Variants in CXADR observed in about 807,000 individuals in gnomAD.
CXADR encodes the protein CXADR cell adhesion molecule.
Under a neutral mutation model 40.3 loss-of-function variants are expected in CXADR, and 20 were observed. That is an observed-to-expected ratio of 0.50 (90% confidence interval 0.35 to 0.72). The LOEUF (loss-of-function observed/expected upper bound fraction) is 0.72, where lower values mean the gene tolerates loss of function less well. Ranked by LOEUF, CXADR falls within the 30% of genes least tolerant of loss-of-function variation. The pLI is 0.01. For synonymous variants in CXADR, 150 were observed against 161.3 expected, an observed-to-expected ratio of 0.93 and a Z score of 0.53; for missense variants, 332 against 449.1, an observed-to-expected ratio of 0.74 and a Z score of 2.36.
At chr21:17,537,864 A>T (rs914242134) in intron 1 of CXADR, among the ~76,000 whole-genome samples, 1 of 152,084 alleles carries the variant, frequency 6.6e-6, no homozygotes. Flanking sequence ...AGTTTCAGTA[A>T]AGTGAGGAAA....
At chr21:17,578,817 T>C (rs568275189) in intron 7 of CXADR, among the ~76,000 whole-genome samples, 2 of 152,238 alleles carry the variant, frequency 1.3e-5, no homozygotes, top group Admixed American at 1.3e-4. Flanking sequence ...GCAAAAGACC[T>C]TGTCTTCAAA....
intron 7 of CXADR, among the ~76,000 whole-genome samples, chr21:17,584,788 A>C (rs564104065): frequency 6.6e-6 from 1 of 152,330 alleles, no homozygotes; most frequent in South Asian, 2.1e-4. Flanking sequence ...CCGAGATTGC[A>C]CCACTGCGCT....
At chr21:17,541,413 C>T (rs1351484413) in intron 1 of CXADR, among the ~76,000 whole-genome samples, 4 of 152,038 alleles carry the variant, frequency 2.6e-5, no homozygotes, top group Non-Finnish European at 5.9e-5. Context: ...AAAAATTAGC[C>T]GGACGTGGTG....
chr21:17,600,264 T>C, the CXADR span, among the ~76,000 whole-genome samples: 1 of 152,066 alleles, frequency 6.6e-6, no homozygotes, highest in African/African-American at 2.4e-5. Context: ...GTGTCAACAC[T>C]ATCAAACAAT....
At chr21:17,530,312 T>A (rs2060656803) in intron 1 of CXADR, 1 of 422,968 alleles carries the variant, frequency 2.4e-6, no homozygotes, top group Admixed American at 2.7e-5. Flanking sequence ...CAATGTAGAT[T>A]AGTGTTAACA....
intron 7 of CXADR, among the ~76,000 whole-genome samples, chr21:17,591,680 A>C (rs2061436243): frequency 6.6e-6 from 1 of 152,008 alleles, no homozygotes; most frequent in Non-Finnish European, 1.5e-5. Flanking sequence ...CAAAAATAAA[A>C]TGGAGAATTT....
chr21:17,619,984 T>C, the CXADR span, among the ~76,000 whole-genome samples: 3 of 152,162 alleles, frequency 2.0e-5, no homozygotes, highest in Non-Finnish European at 4.4e-5. Flanking sequence ...TAAGGGAATG[T>C]TGTGGCTGGT....
At chr21:17,611,139 A>G in the CXADR span, among the ~76,000 whole-genome samples, 3 of 152,200 alleles carry the variant, frequency 2.0e-5, no homozygotes, top group African/African-American at 7.2e-5. Context: ...AATGTAAGCC[A>G]TTTCCACTTT....
At chr21:17,631,534 A>G in the CXADR span, among the ~76,000 whole-genome samples, 1 of 152,208 alleles carries the variant, frequency 6.6e-6, no homozygotes, top group East Asian at 1.9e-4. Context: ...AATAATTTTG[A>G]TGAATTCTAA....
the CXADR span, chr21:17,612,673 G>C: frequency 6.5e-6 from 1 of 152,724 alleles, no homozygotes; most frequent in South Asian, 2.1e-4. Flanking sequence ...CGCCATGTCT[G>C]CCTTTCCCCG....
At chr21:17,532,903 G>A (rs1210222887) in intron 1 of CXADR, among the ~76,000 whole-genome samples, 3 of 152,188 alleles carry the variant, frequency 2.0e-5, no homozygotes, top group African/African-American at 7.2e-5. Flanking sequence ...CTGTGGCCAA[G>A]CATTTAGTGA....
chr21:17,599,822 G>T, the CXADR span, among the ~76,000 whole-genome samples: 1 of 152,090 alleles, frequency 6.6e-6, no homozygotes, highest in African/African-American at 2.4e-5. Context: ...AGTAATTCAA[G>T]TCACAGATCA....
the CXADR span, among the ~76,000 whole-genome samples, chr21:17,604,449 A>C: frequency 7.9e-5 from 12 of 152,348 alleles, no homozygotes; most frequent in East Asian, 2.3e-3. Context: ...CCGTCCCAAA[A>C]AAAAAGAGGA....
chr21:17,537,864 A>G (rs914242134), intron 1 of CXADR, among the ~76,000 whole-genome samples: 2 of 152,084 alleles, frequency 1.3e-5, no homozygotes, highest in Non-Finnish European at 2.9e-5. Flanking sequence ...AGTTTCAGTA[A>G]AGTGAGGAAA....
At position 17,565,697 on chromosome 21, in the gene CXADR, TC is replaced by T. The variant is rs1404240517; in HGVS notation, c.*7del. ...AAGGATGGGTCTATAGTATAGAGCC[TC>T]CATATGTCTCATCTGTGCTCTCCGT... On this transcript the variant is annotated 3_prime_UTR_variant, in exon 7 of 7. Coordinates refer to ENST00000284878, the MANE Select transcript of CXADR (RefSeq NM_001338.5). 2 of 1,610,498 alleles carry T rather than the reference TC, an allele frequency of 1.2e-6. No individual in the cohort carries two copies. Among genetic ancestry groups the T allele is most frequent in the South Asian group, 2.2e-5 (2 of 90,882 alleles).
chr21:17,559,459 ACAGGCATGAGCC>A (rs1351416188), intron 4 of CXADR, among the ~76,000 whole-genome samples: 2 of 151,346 alleles, frequency 1.3e-5, no homozygotes, highest in Non-Finnish European at 2.9e-5. Flanking sequence ...TGCTGGGATT[ACAGGCATGAGCC>A]CAGGCATGTG....
chr21:17,523,908 G>C (rs2060561715), intron 1 of CXADR, among the ~76,000 whole-genome samples: 1 of 151,858 alleles, frequency 6.6e-6, no homozygotes, highest in South Asian at 2.1e-4. Context: ...GCCCAGGCTG[G>C]AGTGCAGTGG....
downstream of CXADR, among the ~76,000 whole-genome samples, chr21:17,570,427 C>T (rs1176664560): frequency 6.6e-6 from 1 of 152,108 alleles, no homozygotes; most frequent in African/African-American, 2.4e-5. Context: ...TATATATACA[C>T]AGATATGAGG....
the CXADR span, among the ~76,000 whole-genome samples, chr21:17,607,538 T>C: frequency 6.6e-6 from 1 of 152,210 alleles, no homozygotes. Flanking sequence ...TTTGATTCTC[T>C]TCTTGTCAAT....
Sources: allele counts gnomAD v4.1 joint callset (sites outside exome capture counted in the v4.1 genomes callset), GRCh38; gene constraint gnomAD v4.1.1; transcripts MANE v1.5; gene names NCBI Gene and HGNC (gene_info 2026-07-23, HGNC 2026-07-21).